ZNF521: variants seen among roughly 807,000 people sequenced by gnomAD.
The protein encoded by ZNF521 is zinc finger protein 521.
Under a neutral mutation model 105.5 loss-of-function variants are expected in ZNF521, and 14 were observed. That is an observed-to-expected ratio of 0.13 (90% CI 0.09 to 0.21). ZNF521 has a LOEUF of 0.21. Ranked by LOEUF, ZNF521 falls within the 10% of genes least tolerant of loss-of-function variation. The probability of loss-of-function intolerance (pLI) is 1.00; values close to 1 mark genes in which losing one functional copy is unlikely to be tolerated. For missense variants in ZNF521, 1,233 were observed against 1,629.7 expected, an observed-to-expected ratio of 0.76 and a Z score of 4.19; for synonymous variants, 635 against 606.0, an observed-to-expected ratio of 1.05 and a Z score of -0.70.
chr18:25,169,712 T>G (rs2035413432), intron 5 of ZNF521, among the ~76,000 whole-genome samples: 1 of 152,136 alleles, frequency 6.6e-6, no homozygotes, highest in African/African-American at 2.4e-5. Flanking sequence ...GTCCTGAAGT[T>G]GCTTCTAGGA....
At chr18:25,145,243 T>G (rs972856402) in intron 5 of ZNF521, among the ~76,000 whole-genome samples, 9 of 152,174 alleles carry the variant, frequency 5.9e-5, no homozygotes, top group Non-Finnish European at 1.2e-4. Context: ...TCAAGAGAAA[T>G]ATCAGTCTCC....
At chr18:25,064,661 C>A (rs1385078085) in intron 7 of ZNF521, among the ~76,000 whole-genome samples, 1 of 152,198 alleles carries the variant, frequency 6.6e-6, no homozygotes, top group South Asian at 2.1e-4. Context: ...TCCTTTACAG[C>A]AACTAGCAAA....
At chr18:25,090,839 T>C (rs1485646608) in intron 6 of ZNF521, among the ~76,000 whole-genome samples, 3 of 152,210 alleles carry the variant, frequency 2.0e-5, no homozygotes, top group African/African-American at 4.8e-5. Flanking sequence ...ACTCGTTGTA[T>C]GTTAGGATAT....
intron 3 of ZNF521, among the ~76,000 whole-genome samples, chr18:25,275,614 C>G (rs956320838): frequency 6.6e-6 from 1 of 152,224 alleles, no homozygotes; most frequent in Non-Finnish European, 1.5e-5. Context: ...CACATGATGA[C>G]AAGCTACTAC....
At chr18:25,111,660 G>A (rs2034192574) in intron 5 of ZNF521, among the ~76,000 whole-genome samples, 1 of 152,172 alleles carries the variant, frequency 6.6e-6, no homozygotes, top group Non-Finnish European at 1.5e-5. Flanking sequence ...GTGCCAATGT[G>A]ATGCTTTCCT....
chr18:25,253,150 A>G (rs941386280), intron 3 of ZNF521, among the ~76,000 whole-genome samples: 4 of 152,146 alleles, frequency 2.6e-5, no homozygotes, highest in Non-Finnish European at 4.4e-5. Context: ...CTTGTTCATA[A>G]ATCAAATCCA....
At chr18:25,237,326 A>C (rs1906969953) in intron 3 of ZNF521, among the ~76,000 whole-genome samples, 2 of 152,312 alleles carry the variant, frequency 1.3e-5, no homozygotes, top group Non-Finnish European at 2.9e-5. Flanking sequence ...AATAGGACTA[A>C]ATATCTGTAC....
intron 6 of ZNF521, among the ~76,000 whole-genome samples, chr18:25,091,094 A>C (rs912215244): frequency 2.0e-5 from 3 of 152,194 alleles, no homozygotes; most frequent in African/African-American, 7.2e-5. Flanking sequence ...AAGGTAAATA[A>C]TCAATGCTTG....
chr18:25,270,159 A>T (rs896298415), intron 3 of ZNF521, among the ~76,000 whole-genome samples: 4 of 152,232 alleles, frequency 2.6e-5, no homozygotes, highest in African/African-American at 4.8e-5. Context: ...AAACATCTCT[A>T]TGCAAATAAA....
intron 7 of ZNF521, among the ~76,000 whole-genome samples, chr18:25,065,904 T>C (rs945535353): frequency 6.6e-6 from 1 of 152,224 alleles, no homozygotes; most frequent in Admixed American, 6.5e-5. Context: ...CAAATACACA[T>C]ACATCACTTA....
At chr18:25,328,568 T>C (rs1913374251) in intron 2 of ZNF521, among the ~76,000 whole-genome samples, 1 of 151,716 alleles carries the variant, frequency 6.6e-6, no homozygotes, top group African/African-American at 2.4e-5. Context: ...TTTTTTTTTT[T>C]TTGAGACGGA....
intron 3 of ZNF521, among the ~76,000 whole-genome samples, chr18:25,246,774 A>G (rs1907753112): frequency 6.6e-6 from 1 of 152,164 alleles, no homozygotes; most frequent in Non-Finnish European, 1.5e-5. Flanking sequence ...TTCAATTATT[A>G]TTGATGTTTT....
intron 3 of ZNF521, among the ~76,000 whole-genome samples, chr18:25,294,074 T>TA (rs1911184911): frequency 6.6e-6 from 1 of 152,142 alleles, no homozygotes; most frequent in Non-Finnish European, 1.5e-5. Flanking sequence ...CATTACAATA[T>TA]AAAAAAGAAA....
chr18:25,315,566 A>T (rs1245375403), intron 3 of ZNF521: 1 of 152,170 alleles, frequency 6.6e-6, no homozygotes, highest in African/African-American at 2.4e-5. Context: ...TGCAGGATCC[A>T]CTGTCTAAAA....
intron 3 of ZNF521, among the ~76,000 whole-genome samples, chr18:25,286,815 C>T (rs556180950): frequency 6.6e-6 from 1 of 152,102 alleles, no homozygotes; most frequent in African/African-American, 2.4e-5. Context: ...GGCACCTCAG[C>T]GGTTAAAAGC....
intron 3 of ZNF521, among the ~76,000 whole-genome samples, chr18:25,312,530 A>AACTATAGATGATCACTTT (rs1912366220): frequency 8.1e-5 from 9 of 110,942 alleles, no homozygotes; most frequent in Admixed American, 9.5e-5. Flanking sequence ...AGTTGGAACC[A>AACTATAGATGATCACTTT]GGCCGGGCGC....
At chr18:25,246,423 G>A (rs1907727231) in intron 3 of ZNF521, among the ~76,000 whole-genome samples, 1 of 152,108 alleles carries the variant, frequency 6.6e-6, no homozygotes, top group African/African-American at 2.4e-5. Context: ...TTCTAAAATA[G>A]ACAAGAATCA....
chr18:25,177,870 C>T (rs760456326), intron 5 of ZNF521, among the ~76,000 whole-genome samples: 1 of 152,124 alleles, frequency 6.6e-6, no homozygotes, highest in Non-Finnish European at 1.5e-5. Flanking sequence ...CATTGTTCCT[C>T]GTGGATTTTG....
chr18:25,116,961 A>G (rs1235073789), intron 5 of ZNF521, among the ~76,000 whole-genome samples: 25 of 107,948 alleles, frequency 2.3e-4, no homozygotes, highest in Non-Finnish European at 1.1e-4. Flanking sequence ...ATATGTATAT[A>G]TGTATATATA....
Sources: allele counts gnomAD v4.1 joint callset (sites outside exome capture counted in the v4.1 genomes callset), GRCh38; gene constraint gnomAD v4.1.1; transcripts MANE v1.5; gene names NCBI Gene and HGNC (gene_info 2026-07-23, HGNC 2026-07-21).